MOXD1: variants seen among roughly 807,000 people sequenced by gnomAD.
MOXD1 encodes monooxygenase DBH like 1.
Under a neutral mutation model 66.6 loss-of-function variants are expected in MOXD1, and 62 were observed. The ratio of observed to expected loss-of-function variants is 0.93; its 90% CI spans 0.76 to 1.15. MOXD1 has a LOEUF of 1.15. Among genes scored for constraint, MOXD1 ranks in the 50% most tolerant of loss-of-function variants. The probability of loss-of-function intolerance (pLI) is 0.00; values close to 1 mark genes in which losing one functional copy is unlikely to be tolerated. For missense variants in MOXD1, 847 were observed against 754.6 expected, an observed-to-expected ratio of 1.12 and a Z score of -1.44; for synonymous variants, 303 against 281.9, an observed-to-expected ratio of 1.07 and a Z score of -0.75.
chr6:132,368,150 C>T (rs1041940733), intron 4 of MOXD1, among the ~76,000 whole-genome samples: 12 of 152,006 alleles, frequency 7.9e-5, no homozygotes, highest in Admixed American at 3.3e-4. Context: ...TTCAATAACC[C>T]CCATTTCTAG....
chr6:132,396,820 CAAG>C (rs994291698), intron 1 of MOXD1, among the ~76,000 whole-genome samples: 21 of 152,256 alleles, frequency 1.4e-4, no homozygotes, highest in African/African-American at 5.1e-4. Context: ...AAGACTGAAT[CAAG>C]AAGAACTAAA....
intron 4 of MOXD1, among the ~76,000 whole-genome samples, chr6:132,358,514 A>G (rs1446338341): frequency 6.6e-6 from 1 of 152,236 alleles, no homozygotes; most frequent in African/African-American, 2.4e-5. Context: ...ATCCATAAAT[A>G]CTTGTCTTCT....
chr6:132,374,426 T>A (rs9493297), intron 2 of MOXD1, among the ~76,000 whole-genome samples: 22,283 of 152,034 alleles, frequency 0.15, 1,761 homozygotes, highest in East Asian at 0.24. Flanking sequence ...AAAAATGGAT[T>A]TTATTGAAAT....
At position 132,386,428 on chromosome 6, in the gene MOXD1, CAAAACAAAAAAAA is replaced by C. The variant is rs1038117348; in HGVS notation, c.265-11664_265-11652del. Among the ~76,000 whole-genome samples, 38 of 86,032 alleles carry C rather than the reference CAAAACAAAAAAAA, an allele frequency of 4.4e-4. 1 individual carries two copies. In the South Asian group the frequency reaches 8.8e-3, roughly 20 times the overall value. 56.4% of individuals were successfully genotyped at this position (86,032 alleles called of 152,430 possible). A position where few individuals can be genotyped will look rare whatever the true frequency, so the allele number is the denominator to read the frequency against. Reference sequence around the variant, plus strand: ...AAAAACAAAACAAAACAAAACAAAACAAAACAAAAAAAAAAAACAAAAAAAAAACGGGAAAAGA... The same window carrying C: ...AAAAACAAAACAAAACAAAACAAAACAAAACAAAAAAAAAACGGGAAAAGA... On this transcript the variant is annotated intron_variant, in intron 1 of 11. Coordinates refer to ENST00000367963, the MANE Select transcript of MOXD1 (RefSeq NM_015529.4).
At chr6:132,304,047 C>A (rs141627733) in intron 10 of MOXD1, among the ~76,000 whole-genome samples, 2,139 of 151,082 alleles carry the variant, frequency 0.014, 61 homozygotes, top group African/African-American at 0.049. Flanking sequence ...GTTCCAGTAC[C>A]CCCAATAGGG....
chr6:132,327,748 A>G (rs2114581967), intron 6 of MOXD1, among the ~76,000 whole-genome samples: 1 of 152,318 alleles, frequency 6.6e-6, no homozygotes, highest in Non-Finnish European at 1.5e-5. Context: ...ACTTCCTGGT[A>G]GGTAGCATGC....
intron 4 of MOXD1, among the ~76,000 whole-genome samples, chr6:132,349,436 CATATATATATATATACAT>C (rs1167048831): frequency 4.0e-4 from 7 of 17,308 alleles, no homozygotes; most frequent in African/African-American, 8.2e-4. Context: ...TATATATATA[CATATATATATATATACAT>C]ATATATATAT....
intron 9 of MOXD1, 83 bp from the exon 10 acceptor site, chr6:132,315,860 G>A (rs1774938736): frequency 1.5e-6 from 2 of 1,363,372 alleles, no homozygotes; most frequent in Non-Finnish European, 2.0e-6. Flanking sequence ...ATGTCATACA[G>A]TTCCTTCCAA....
intron 10 of MOXD1, among the ~76,000 whole-genome samples, chr6:132,303,833 GTGTATATATATATATATATA>G (rs1562276390): frequency 5.5e-3 from 332 of 59,978 alleles, no homozygotes; most frequent in African/African-American, 0.02. Flanking sequence ...GTGTGTGTGT[GTGTATATATATATATATATA>G]TATATATATA....
intron 4 of MOXD1, among the ~76,000 whole-genome samples, chr6:132,356,213 CT>C (rs1775907605): frequency 6.6e-6 from 1 of 152,104 alleles, no homozygotes; most frequent in Non-Finnish European, 1.5e-5. Flanking sequence ...GCACTTTTAT[CT>C]AGGCAATTCA....
intron 10 of MOXD1, 137 bp downstream of exon 10, chr6:132,315,498 C>A: frequency 9.8e-7 from 1 of 1,017,990 alleles, no homozygotes; most frequent in Non-Finnish European, 1.4e-6. Context: ...GTTACTTGGT[C>A]TCCCCAGTTA....
chr6:132,378,955 T>C (rs1316364755), intron 1 of MOXD1, among the ~76,000 whole-genome samples: 1 of 129,694 alleles, frequency 7.7e-6, no homozygotes, highest in Non-Finnish European at 1.6e-5. Flanking sequence ...TGGAGTGCAA[T>C]GGCATGATGT....
chr6:132,326,592 T>C (rs1562282925), intron 6 of MOXD1, among the ~76,000 whole-genome samples: 1 of 152,178 alleles, frequency 6.6e-6, no homozygotes, highest in Non-Finnish European at 1.5e-5. Flanking sequence ...GTTATTGTGA[T>C]GACAATTTTT....
intron 4 of MOXD1, among the ~76,000 whole-genome samples, chr6:132,350,191 T>A (rs1305450117): frequency 6.6e-6 from 1 of 152,236 alleles, no homozygotes; most frequent in Non-Finnish European, 1.5e-5. Flanking sequence ...GGTCATGAAA[T>A]CCTTGCCTAA....
At chr6:132,380,596 C>T (rs1203561676) in intron 1 of MOXD1, among the ~76,000 whole-genome samples, 1 of 152,192 alleles carries the variant, frequency 6.6e-6, no homozygotes, top group Non-Finnish European at 1.5e-5. Context: ...TTTACATTCC[C>T]ATGTAGCATG....
chr6:132,384,039 A>G (rs140519541), intron 1 of MOXD1, among the ~76,000 whole-genome samples: 1 of 152,318 alleles, frequency 6.6e-6, no homozygotes, highest in East Asian at 1.9e-4. Flanking sequence ...ACTGCAGTCC[A>G]GCCTGGGCGG....
At chr6:132,382,733 C>T (rs185401830) in intron 1 of MOXD1, among the ~76,000 whole-genome samples, 2 of 152,174 alleles carry the variant, frequency 1.3e-5, no homozygotes, top group Non-Finnish European at 2.9e-5. Context: ...TGCTATGTAG[C>T]AACAATAACA....
chr6:132,357,068 T>A (rs114713137), intron 4 of MOXD1, among the ~76,000 whole-genome samples: 2,324 of 152,188 alleles, frequency 0.015, 77 homozygotes, highest in African/African-American at 0.053. Flanking sequence ...AACTCCTTAA[T>A]CTTTCAAATG....
chr6:132,370,834 G>A (rs989397309), intron 4 of MOXD1, among the ~76,000 whole-genome samples: 18 of 152,148 alleles, frequency 1.2e-4, no homozygotes, highest in African/African-American at 1.7e-4. Flanking sequence ...TACTTGATAC[G>A]CTTCTTATAG....
Sources: gnomAD v4.1 joint callset for allele counts (sites outside exome capture counted in the v4.1 genomes callset) on GRCh38, gnomAD v4.1.1 for gene constraint, MANE v1.5 for transcripts, NCBI Gene and HGNC (gene_info 2026-07-23, HGNC 2026-07-21) for gene names.